Variants in NTM observed in about 807,000 individuals in gnomAD.
NTM encodes the protein neurotrimin.
Under a neutral mutation model 42.1 loss-of-function variants are expected in NTM, and 13 were observed. That is an observed-to-expected ratio of 0.31 (90% CI 0.20 to 0.49). The LOEUF (loss-of-function observed/expected upper bound fraction) is 0.49, where lower values mean the gene tolerates loss of function less well. NTM is among the 20% of genes least tolerant of loss of function. The pLI is 0.99. For synonymous variants in NTM, 187 were observed against 179.2 expected (o/e 1.04, Z -0.35); for missense variants, 373 against 452.8 (o/e 0.82, Z 1.60).
intron 1 of NTM, among the ~76,000 whole-genome samples, chr11:131,652,658 G>C (rs1462936067): frequency 6.6e-6 from 1 of 152,210 alleles, no homozygotes; most frequent in African/African-American, 2.4e-5. Flanking sequence ...TGGGCAGGGG[G>C]ATTTGTCAGC....
chr11:131,377,533 C>T (rs562809634), intron 1 of NTM, among the ~76,000 whole-genome samples: 1 of 152,324 alleles, frequency 6.6e-6, no homozygotes, highest in South Asian at 2.1e-4. Flanking sequence ...CAGGGTAGAG[C>T]TAAGATAACC....
At chr11:131,688,193 G>C (rs975475542) in intron 1 of NTM, among the ~76,000 whole-genome samples, 1 of 152,170 alleles carries the variant, frequency 6.6e-6, no homozygotes. Flanking sequence ...CCCCCGAGCC[G>C]CGAGGCTGCC....
At chr11:131,876,552 T>C (rs1156392695) in intron 1 of NTM, among the ~76,000 whole-genome samples, 2 of 152,208 alleles carry the variant, frequency 1.3e-5, no homozygotes, top group African/African-American at 4.8e-5. Flanking sequence ...TAGAAGAATA[T>C]CATATGAGGC....
intron 2 of NTM, among the ~76,000 whole-genome samples, chr11:131,929,251 C>A (rs2058315655): frequency 1.3e-5 from 2 of 152,156 alleles, no homozygotes; most frequent in African/African-American, 4.8e-5. Flanking sequence ...GTGAGCCTGC[C>A]CACATTTAGG....
chr11:132,104,986 TA>T (rs2062163655), intron 2 of NTM, among the ~76,000 whole-genome samples: 15 of 115,892 alleles, frequency 1.3e-4, no homozygotes, highest in African/African-American at 2.4e-4. Flanking sequence ...TATATATATA[TA>T]TATATTTCAT....
At chr11:131,533,420 G>T (rs1344337337) in intron 1 of NTM, among the ~76,000 whole-genome samples, 1 of 152,186 alleles carries the variant, frequency 6.6e-6, no homozygotes, top group Non-Finnish European at 1.5e-5. Flanking sequence ...TGTTACACCA[G>T]CCCAGGAGAG....
chr11:132,009,345 A>G (rs2071557570), intron 2 of NTM, among the ~76,000 whole-genome samples: 2 of 152,112 alleles, frequency 1.3e-5, no homozygotes, highest in Admixed American at 1.3e-4. Flanking sequence ...ACAGTTTGAG[A>G]TTGGAACAGC....
rs1012544133 is a variant in NTM, at chr11:132,146,442, G to A, written c.328G>A (p.Glu110Lys). ...GATCCAGAACGTGGATGTGTATGAC[G>A]AGGGCCCTTACACCTGCTCGGTGCA... ...IEIQNVDVYDEGPYTCSVQTD... is the reference protein window; with the variant it reads ...IEIQNVDVYDKGPYTCSVQTD... The change falls in exon 3 of 9, where the codon GAG becomes AAG. Residue 110 changes from glutamate to lysine, a missense_variant. By Grantham distance (56) the Glu-to-Lys change is moderately conservative (BLOSUM62 1). Around this residue, in one of 3 missense-constraint regions of NTM, gnomAD observed 312 missense variants for 353.5 expected, o/e 0.88. Coordinates refer to ENST00000683400, the MANE Select transcript of NTM (RefSeq NM_001352005.2). The surrounding 1 kb of genome is among the most constrained non-coding windows in gnomAD (Gnocchi z 4.5). 6.2e-7 allele frequency: 1 copy of A among 1,614,120 alleles called. No individual in the cohort carries two copies. The highest frequency in any genetic ancestry group is 1.3e-5 in the African/African-American group (1 of 75,022).
rs137874011 is a variant in NTM at position 131,609,158 on chromosome 11, C to T, written c.82+238270C>T. Among the ~76,000 whole-genome samples, 91 of 152,312 alleles carry T rather than the reference C, an allele frequency of 6.0e-4. 1 individual carries two copies. Among genetic ancestry groups the T allele is most frequent in the African/African-American group, 1.3e-3 (53 of 41,588 alleles). On this transcript the variant is annotated intron_variant, in intron 1 of 8. Coordinates refer to ENST00000683400, the MANE Select transcript of NTM (RefSeq NM_001352005.2). ...GCTGGGCGAAGGCGTGGGCCCTGCA[C>T]GGCTCTCTGCTTCTGTGCTCTGGAT...
chr11:131,713,618 G>A (rs1299004782), intron 1 of NTM, among the ~76,000 whole-genome samples: 8 of 152,032 alleles, frequency 5.3e-5, no homozygotes, highest in African/African-American at 1.9e-4. Context: ...CTACAAGTAG[G>A]CAATCATATC....
intron 1 of NTM, chr11:131,535,425 T>C (rs1251842305): frequency 6.6e-6 from 1 of 152,230 alleles, no homozygotes; most frequent in Non-Finnish European, 1.5e-5. Flanking sequence ...AGATCAGTTA[T>C]TAGCTGCTTC....
intron 2 of NTM, among the ~76,000 whole-genome samples, chr11:132,007,168 C>T (rs1416862239): frequency 2.0e-5 from 3 of 152,200 alleles, no homozygotes; most frequent in Non-Finnish European, 4.4e-5. Context: ...ATGTTGTTGA[C>T]GATTTCGGCA....
intron 2 of NTM, among the ~76,000 whole-genome samples, chr11:132,104,986 T>C (rs1272221763): frequency 1.7e-5 from 2 of 115,904 alleles, no homozygotes; most frequent in Admixed American, 9.1e-5. Flanking sequence ...TATATATATA[T>C]ATATATTTCA....
chr11:132,163,139 C>A (rs756768696), intron 3 of NTM, among the ~76,000 whole-genome samples: 2 of 152,150 alleles, frequency 1.3e-5, no homozygotes, highest in African/African-American at 4.8e-5. Context: ...GGCCCAGCCA[C>A]GGGCAAGCAT....
In NTM at chr11:131,816,765, T is replaced by G. The variant is rs558276114; in HGVS notation, c.83-94799T>G. On this transcript the variant is annotated intron_variant, in intron 1 of 8. Coordinates refer to ENST00000683400, the MANE Select transcript of NTM (RefSeq NM_001352005.2). ...CTAGGAGCCCTATTCAGAGCTAAAT[T>G]GGGCTATTCATCATTTGAGCCTCCT... Among the ~76,000 whole-genome samples, 49 of 152,260 alleles carry G rather than the reference T, an allele frequency of 3.2e-4. 1 individual carries two copies. Among genetic ancestry groups the G allele is most frequent in the African/African-American group, 9.9e-4 (41 of 41,552 alleles).
intron 1 of NTM, among the ~76,000 whole-genome samples, chr11:131,489,149 T>C (rs1252055265): frequency 6.6e-6 from 1 of 152,208 alleles, no homozygotes; most frequent in Non-Finnish European, 1.5e-5. Flanking sequence ...TCTCCCTTTT[T>C]CTTTAACTGT....
chr11:131,832,840 A>AGG (rs2042990559), intron 1 of NTM, among the ~76,000 whole-genome samples: 3 of 152,240 alleles, frequency 2.0e-5, no homozygotes, highest in Admixed American at 2.0e-4. Context: ...ATATATAGAC[A>AGG]AGGGCGCTTT....
At chr11:131,568,680 A>G (rs1293241990) in intron 1 of NTM, among the ~76,000 whole-genome samples, 1 of 152,164 alleles carries the variant, frequency 6.6e-6, no homozygotes, top group South Asian at 2.1e-4. Context: ...TACTGGGCCT[A>G]GAATCCACAG....
intron 1 of NTM, among the ~76,000 whole-genome samples, chr11:131,427,922 A>G (rs1183880267): frequency 6.6e-6 from 1 of 152,150 alleles, no homozygotes; most frequent in East Asian, 1.9e-4. Context: ...GCTAATATCG[A>G]TATCTGTTGA....
Sources: allele counts gnomAD v4.1 joint callset (sites outside exome capture counted in the v4.1 genomes callset), GRCh38; gene constraint gnomAD v4.1.1; regional missense constraint gnomAD v4.1.1; non-coding constraint Gnocchi (gnomAD v3.1); transcripts MANE v1.5; gene names NCBI Gene and HGNC (gene_info 2026-07-23, HGNC 2026-07-21).